KIRREL3: variants seen among roughly 807,000 people sequenced by gnomAD.
The protein encoded by KIRREL3 is kirre like nephrin family adhesion molecule 3, also known as kin of IRRE-like protein 3.
KIRREL3 carries 36 observed loss-of-function variants against 89.7 expected under a neutral mutation model. The ratio of observed to expected loss-of-function variants is 0.40; its 90% CI spans 0.31 to 0.53. KIRREL3 has a LOEUF of 0.53. Among genes scored for constraint, KIRREL3 ranks in the 20% least tolerant of loss-of-function variants. The probability of loss-of-function intolerance (pLI) is 0.49; values close to 1 mark genes in which losing one functional copy is unlikely to be tolerated. For synonymous variants in KIRREL3, 445 were observed against 441.4 expected (o/e 1.01, Z -0.10); for missense variants, 864 against 1,056.6 (o/e 0.82, Z 2.53).
At chr11:126,858,151 T>C (rs572989692) in intron 1 of KIRREL3, among the ~76,000 whole-genome samples, 2 of 152,260 alleles carry the variant, frequency 1.3e-5, no homozygotes, top group African/African-American at 2.4e-5. Flanking sequence ...ATTTCAACCA[T>C]CATGTCATGG....
At position 126,763,118 on chromosome 11, in the gene KIRREL3, T is replaced by C. The variant is rs755078039; in HGVS notation, c.56-200206A>G. Among the ~76,000 whole-genome samples the C allele has an allele frequency of 7.2e-5, 11 of 152,144 alleles. No homozygotes were observed. Among genetic ancestry groups the C allele is most frequent in the Admixed American group, 1.3e-4 (2 of 15,270 alleles). ...ACACATTCCTATCCTCGTCTGGCAT[T>C]GAGAGAAGAGTGCAGGACTGGGTTT... is the stretch of plus-strand genomic sequence containing the variant. On this transcript the variant is annotated intron_variant, in intron 1 of 16. Coordinates refer to ENST00000525144, the MANE Select transcript of KIRREL3 (RefSeq NM_032531.4). The surrounding 1 kb of genome is among the most constrained non-coding windows in gnomAD (Gnocchi z 4.7).
intron 1 of KIRREL3, among the ~76,000 whole-genome samples, chr11:126,767,627 T>C (rs1949867480): frequency 6.6e-6 from 1 of 152,196 alleles, no homozygotes; most frequent in Non-Finnish European, 1.5e-5. Flanking sequence ...TTCAGGTCAT[T>C]GTAGTGCTGA....
At chr11:126,494,477 G>C (rs986050569) in intron 4 of KIRREL3, among the ~76,000 whole-genome samples, 27 of 152,154 alleles carry the variant, frequency 1.8e-4, no homozygotes, top group African/African-American at 6.3e-4. Context: ...GCTTGGTGCT[G>C]TTGCTGATCC....
At position 126,562,546 on chromosome 11, in the gene KIRREL3, G is replaced by T. The variant is rs140327871; in HGVS notation, c.133+289C>A. On this transcript the variant is annotated intron_variant, in intron 2 of 16. Transcript: ENST00000525144. This position sits in a 1 kb window ranked among gnomAD's most constrained non-coding sequence, Gnocchi z 4.7. ...TTAATTGGGCTGGCTGTGGGGTGGG[G>T]TGCGGAAGAAATGGTAGGGAAGAGA... 2.0e-5 allele frequency among the ~76,000 whole-genome samples: 3 copies of T among 152,290 alleles called. No individual in the cohort carries two copies. In the East Asian group the frequency reaches 5.8e-4, roughly 29 times the overall value.
Position 126,924,279 on chromosome 11 carries a change from C to A in KIRREL3, c.55+76176G>T, listed in dbSNP as rs1178038722. ...TCAGTTTTCCCTTCTAGCTCGCTCA[C>A]TCTCCACACCACAGAGAGTAATCTT... is the stretch of plus-strand genomic sequence containing the variant. On this transcript the variant is annotated intron_variant, in intron 1 of 16. Coordinates refer to ENST00000525144, the MANE Select transcript of KIRREL3 (RefSeq NM_032531.4). This position sits in a 1 kb window ranked among gnomAD's most constrained non-coding sequence, Gnocchi z 4.7. Among the ~76,000 whole-genome samples, 10 of 152,198 alleles carry A rather than the reference C, an allele frequency of 6.6e-5. No homozygotes were observed. Among genetic ancestry groups the A allele is most frequent in the Non-Finnish European group, 1.5e-4 (10 of 68,042 alleles).
intron 2 of KIRREL3, among the ~76,000 whole-genome samples, chr11:126,538,909 A>G (rs1938138678): frequency 1.3e-5 from 2 of 152,198 alleles, no homozygotes; most frequent in Non-Finnish European, 2.9e-5. Context: ...TGAGGCACAA[A>G]GTCCCAAAGA....
chr11:126,427,220 C>T lies in KIRREL3; in HGVS notation c.1807-1496G>A, dbSNP rs532041288. On this transcript the variant is annotated intron_variant, in intron 15 of 16. Transcript: ENST00000525144. The surrounding 1 kb of genome is among the most constrained non-coding windows in gnomAD (Gnocchi z 5.3). ...TCACATCTAGGCTGTGGTTTCCTCC[C>T]TCGTAAAACTAAACACTCCACTGTG... Among the ~76,000 whole-genome samples the T allele has an allele frequency of 6.8e-4, 104 of 152,300 alleles. No individual in the cohort carries two copies. The highest frequency in any genetic ancestry group is 2.2e-3 in the African/African-American group (93 of 41,562).
Position 126,525,376 on chromosome 11 carries a change from A to G in KIRREL3, c.283+1162T>C, listed in dbSNP as rs1454531384. 6.6e-6 allele frequency among the ~76,000 whole-genome samples: 1 copy of G among 152,242 alleles called. No individual in the cohort carries two copies. On this transcript the variant is annotated intron_variant, in intron 3 of 16. Transcript: ENST00000525144. The surrounding 1 kb of genome is among the most constrained non-coding windows in gnomAD (Gnocchi z 5.4). Reference sequence around the variant, plus strand: ...GAGTCTCTGAAATTGGCTGGTTCCCATAACAGTTAAACTTTATGGCAGCAC... The same window carrying G: ...GAGTCTCTGAAATTGGCTGGTTCCCGTAACAGTTAAACTTTATGGCAGCAC...
intron 1 of KIRREL3, among the ~76,000 whole-genome samples, chr11:126,573,862 A>T (rs1443983464): frequency 6.6e-6 from 1 of 151,630 alleles, no homozygotes; most frequent in African/African-American, 2.4e-5. Context: ...CCGCGGGGGG[A>T]CCTCTTGCTG....
rs1212664961 is a variant in KIRREL3 at position 126,903,321 on chromosome 11, G to C, written c.55+97134C>G. Among the ~76,000 whole-genome samples the C allele has an allele frequency of 6.6e-6, 1 of 151,358 alleles. No homozygotes were observed. ...CTAATTTTTTCCTCTTTTTCTCTGG[G>C]TTAACAATGCAGGGATCATAGTTGC... On this transcript the variant is annotated intron_variant, in intron 1 of 16. Transcript: ENST00000525144. The surrounding 1 kb of genome is among the most constrained non-coding windows in gnomAD (Gnocchi z 4.5).
intron 1 of KIRREL3, among the ~76,000 whole-genome samples, chr11:126,971,524 C>T (rs78966103): frequency 0.015 from 2,212 of 152,166 alleles, 57 homozygotes; most frequent in East Asian, 0.12. Flanking sequence ...TTACTGAGTT[C>T]GGCACCCATA....
Position 126,553,626 on chromosome 11 carries a change from C to T in KIRREL3, c.133+9209G>A, listed in dbSNP as rs751173934. ...CTGGGGCTATCTGCGTGTCGATTCC[C>T]GTCACCTTCTGAACCTTGAAGGGAG... On this transcript the variant is annotated intron_variant, in intron 2 of 16. Coordinates refer to ENST00000525144, the MANE Select transcript of KIRREL3 (RefSeq NM_032531.4). This position sits in a 1 kb window ranked among gnomAD's most constrained non-coding sequence, Gnocchi z 4.7. Among the ~76,000 whole-genome samples, 14 of 152,186 alleles carry T rather than the reference C, an allele frequency of 9.2e-5. No individual in the cohort carries two copies. Among genetic ancestry groups the T allele is most frequent in the Non-Finnish European group, 1.9e-4 (13 of 68,040 alleles).
rs995784174 is a variant in KIRREL3, at chr11:126,471,396, T to A, written c.591+1913A>T. On this transcript the variant is annotated intron_variant, in intron 5 of 16. Coordinates refer to ENST00000525144, the MANE Select transcript of KIRREL3 (RefSeq NM_032531.4). The surrounding 1 kb of genome is among the most constrained non-coding windows in gnomAD (Gnocchi z 5.4). ...AAAATAAATAAATAAATAAATAAAA[T>A]AAATAAAAAATAAAAAAAGAAAGAA... Among the ~76,000 whole-genome samples the A allele has an allele frequency of 1.6e-5, 2 of 125,492 alleles. No individual in the cohort carries two copies. Among genetic ancestry groups the A allele is most frequent in the African/African-American group, 5.6e-5 (2 of 35,944 alleles). 82.3% of individuals were successfully genotyped at this position (125,492 alleles called of 152,430 possible).
chr11:126,453,273 C>T (rs80308661), intron 7 of KIRREL3, among the ~76,000 whole-genome samples: 4 of 152,074 alleles, frequency 2.6e-5, no homozygotes, highest in African/African-American at 4.8e-5. Flanking sequence ...GGCCACATCC[C>T]GCTATCTGCT....
At position 126,566,188 on chromosome 11, in the gene KIRREL3, T is replaced by C. The variant is rs1438288279; in HGVS notation, c.56-3276A>G. On this transcript the variant is annotated intron_variant, in intron 1 of 16. Transcript: ENST00000525144. The surrounding 1 kb of genome is among the most constrained non-coding windows in gnomAD (Gnocchi z 4.9). ...AGCCCTGGCTTAAAAGGAAAGTTCA[T>C]AGCAAGGAAGTCCAGGGTCACCTGC... Among the ~76,000 whole-genome samples, 1 of 152,128 alleles carries C rather than the reference T, an allele frequency of 6.6e-6. No individual in the cohort carries two copies. The highest frequency in any genetic ancestry group is 2.4e-5 in the African/African-American group (1 of 41,422).
intron 1 of KIRREL3, among the ~76,000 whole-genome samples, chr11:126,948,000 C>A (rs1406053341): frequency 3.9e-5 from 6 of 152,104 alleles, no homozygotes; most frequent in African/African-American, 1.4e-4. Context: ...CTCAGATATC[C>A]CAATTGCTGC....
At chr11:126,436,729 C>T in intron 12 of KIRREL3, 82 bp downstream of exon 12, 2 of 1,477,484 alleles carry the variant, frequency 1.4e-6, no homozygotes, top group Non-Finnish European at 1.9e-6. Context: ...CACCTTGCAG[C>T]CACCCGCGCC....
Position 126,562,546 on chromosome 11 carries a change from G to A in KIRREL3, c.133+289C>T, listed in dbSNP as rs140327871. On this transcript the variant is annotated intron_variant, in intron 2 of 16. Transcript: ENST00000525144. This position sits in a 1 kb window ranked among gnomAD's most constrained non-coding sequence, Gnocchi z 4.7. ...TTAATTGGGCTGGCTGTGGGGTGGG[G>A]TGCGGAAGAAATGGTAGGGAAGAGA... Among the ~76,000 whole-genome samples the A allele has an allele frequency of 8.9e-4, 136 of 152,288 alleles. No homozygotes were observed. The highest frequency in any genetic ancestry group is 3.1e-3 in the African/African-American group (127 of 41,548).
In KIRREL3 at chr11:126,428,399, G is replaced by A. The variant is rs775354522; in HGVS notation, c.1806+780C>T. Among the ~76,000 whole-genome samples the A allele has an allele frequency of 6.6e-6, 1 of 152,142 alleles. No homozygotes were observed. The highest frequency in any genetic ancestry group is 2.4e-5 in the African/African-American group (1 of 41,418). ...GGAAGAGGAGGAGCAGGCTTGATGTGCCTGGAGAAGTGATGAGTTGACTGG... is the reference window on the plus strand; with the variant it reads ...GGAAGAGGAGGAGCAGGCTTGATGTACCTGGAGAAGTGATGAGTTGACTGG... On this transcript the variant is annotated intron_variant, in intron 15 of 16. Transcript: ENST00000525144. This position sits in a 1 kb window ranked among gnomAD's most constrained non-coding sequence, Gnocchi z 6.4.
Sources: gnomAD v4.1 joint callset for allele counts (sites outside exome capture counted in the v4.1 genomes callset) on GRCh38, gnomAD v4.1.1 for gene constraint, Gnocchi (gnomAD v3.1) non-coding constraint, MANE v1.5 for transcripts, NCBI Gene and HGNC (gene_info 2026-07-23, HGNC 2026-07-21) for gene names.